Variants in ITGB4 observed in about 807,000 individuals in gnomAD.
The protein encoded by ITGB4 is integrin subunit beta 4, also known as integrin beta-4.
In ITGB4, 159 loss-of-function variants were observed where a neutral mutation model predicts 207.6. The observed-to-expected ratio is 0.77, with a 90% confidence interval of 0.67 to 0.87. The LOEUF (loss-of-function observed/expected upper bound fraction) is 0.87, where lower values mean the gene tolerates loss of function less well. ITGB4 is among the 40% of genes least tolerant of loss of function. The probability of loss-of-function intolerance (pLI) is 0.00; values close to 1 mark genes in which losing one functional copy is unlikely to be tolerated. For missense variants in ITGB4, 2,278 were observed against 2,546.8 expected (o/e 0.89, Z 2.27); for synonymous variants, 1,020 against 1,062.7 (o/e 0.96, Z 0.78).
At chr17:75,737,243 G>A in intron 16 of ITGB4, 79 bp from the exon 17 acceptor site, 1 of 1,534,916 alleles carries the variant, frequency 6.5e-7, no homozygotes, top group Non-Finnish European at 8.8e-7. Context: ...CGCAGAGTAG[G>A]GGCCCCCTCA....
rs1203377446 is a variant in ITGB4, at chr17:75,748,145, G to A, written c.3112-696G>A. 1.9e-4 allele frequency among the ~76,000 whole-genome samples: 29 copies of A among 150,498 alleles called. No individual in the cohort carries two copies. The East Asian group carries it at 1.9e-3, about 10-fold the overall frequency. ...GGAGGCCAAGGTGGGCGGATCGCTT[G>A]AGGCCGGGAGTTCAAGACCAGCCTA... On this transcript the variant is annotated intron_variant, in intron 26 of 39. Transcript: ENST00000200181.
rs778822746 is a variant in ITGB4 at position 75,757,001 on chromosome 17, G to A, written c.5112G>A (p.Pro1704=). The A allele has an allele frequency of 1.2e-5, 20 of 1,612,732 alleles. No individual in the cohort carries two copies. Among genetic ancestry groups the A allele is most frequent in the African/African-American group, 8.0e-5 (6 of 74,914 alleles). The part of the protein sequence containing the change: ...GDSPESRLTV[P]GLSENVPYKF... The stretch of plus-strand genomic sequence containing the variant: ...GCCCCGAGAGCCGGCTGACCGTGCC[G>A]GGCCTCAGCGAGAACGTGCCCTACA... The change falls in exon 38 of 40, where the codon CCG becomes CCA. Residue 1704 remains proline, a synonymous_variant. Transcript: ENST00000200181.
chr17:75,736,722 T>G (rs1177767990), intron 16 of ITGB4, 28 bp downstream of exon 16: 1 of 1,583,300 alleles, frequency 6.3e-7, no homozygotes. Context: ...GGGTTGGGGT[T>G]GCTGAGAGCC....
intron 25 of ITGB4, 137 bp from the exon 26 acceptor site, chr17:75,743,576 C>A: frequency 8.4e-7 from 1 of 1,192,628 alleles, no homozygotes; most frequent in Non-Finnish European, 1.2e-6. Context: ...CTCCTGTGCC[C>A]TTCCCAGAGG....
At chr17:75,752,689 A>C in intron 32 of ITGB4, 112 bp downstream of exon 32, 3 of 1,401,540 alleles carry the variant, frequency 2.1e-6, no homozygotes, top group Non-Finnish European at 2.0e-6. Flanking sequence ...ATGGAGGTTA[A>C]GGCAGCCTTG....
chr17:75,740,123 T>C lies in ITGB4; in HGVS notation c.2446+52T>C. The C allele has an allele frequency of 6.5e-7, 1 of 1,547,658 alleles. No individual in the cohort carries two copies. The highest frequency in any genetic ancestry group is 2.3e-5 in the East Asian group (1 of 43,416). ...TCTGGGCAGTGCCCTTCGGGCCCTC[T>C]GTTCCAGATCTGGGATCACAGCATG... On this transcript the variant is annotated intron_variant, in intron 20 of 39. Transcript: ENST00000200181. This position sits in a 1 kb window ranked among gnomAD's most constrained non-coding sequence, Gnocchi z 5.9.
rs779518701 is a variant in ITGB4, at chr17:75,743,763, G to T, written c.3013G>T (p.Asp1005Tyr). ...EQPEFSVSRGDQVARIPVIRR... is the reference protein window; with the variant it reads ...EQPEFSVSRGYQVARIPVIRR... Reference sequence around the variant, plus strand: ...GCCTGAGTTCTCGGTCAGCCGCGGGGACCAGGTGGCCCGCATCCCTGTCAT... The same window carrying T: ...GCCTGAGTTCTCGGTCAGCCGCGGGTACCAGGTGGCCCGCATCCCTGTCAT... The change falls in exon 26 of 40, where the codon GAC (aspartate) becomes TAC (tyrosine). Residue 1005 changes from aspartate (D) to tyrosine (Y), a missense_variant. By Grantham distance (160) the Asp-to-Tyr change is radical. Transcript: ENST00000200181. 6.2e-7 allele frequency: 1 copy of T among 1,613,530 alleles called. No homozygotes were observed. The highest frequency in any genetic ancestry group is 1.1e-5 in the South Asian group (1 of 91,082).
Position 75,736,346 on chromosome 17 carries a change from C to T in ITGB4, c.1820C>T (p.Ser607Leu), listed in dbSNP as rs763137689. The change falls in exon 15 of 40, where the codon TCG (serine) becomes TTG (leucine). Residue 607 changes from serine (S) to leucine (L), a missense_variant. Transcript: ENST00000200181. ...GGCCGCTGCCACTGCCACCAGCAGT[C>T]GCTCTACACGGACACCATCTGCGAG... ...ECGRCHCHQQSLYTDTICEIN... is the reference protein window; with the variant it reads ...ECGRCHCHQQLLYTDTICEIN... 1.4e-5 allele frequency: 23 copies of T among 1,612,198 alleles called. No homozygotes were observed. The highest frequency in any genetic ancestry group is 1.9e-5 in the Non-Finnish European group (22 of 1,179,332).
chr17:75,750,606 G>C lies in ITGB4; in HGVS notation c.3475-74G>C. 7.5e-7 allele frequency: 1 copy of C among 1,330,682 alleles called. No homozygotes were observed. Among genetic ancestry groups the C allele is most frequent in the Non-Finnish European group, 1.1e-6 (1 of 936,836 alleles). The allele number at this position is 1,330,682 out of a possible 1,614,324, so 82.4% of individuals were successfully genotyped here. ...CTGTGCAAAGAGGACAGTAAGGGCA[G>C]AGGTCAGAGGAGGGACAGGCAGCTT... On this transcript the variant is annotated intron_variant, in intron 28 of 39. Coordinates refer to ENST00000200181, the MANE Select transcript of ITGB4 (RefSeq NM_000213.5). This position sits in a 1 kb window ranked among gnomAD's most constrained non-coding sequence, Gnocchi z 5.5.
chr17:75,757,422 T>G lies in ITGB4; in HGVS notation c.5336T>G (p.Leu1779Arg), dbSNP rs871443. ...SATEPFLVDG[L>R]TLGAQHLEAG... ...AATGCCTCCTCCTCCACAGATGGGC[T>G]GACCCTGGGGGCCCAGCACCTGGAG... Residue 1779 changes from leucine to arginine, a missense_variant, in exon 40 of 40, where the codon CTG (leucine) becomes CGG (arginine). Coordinates refer to ENST00000200181, the MANE Select transcript of ITGB4 (RefSeq NM_000213.5). 6.2e-7 allele frequency: 1 copy of G among 1,612,940 alleles called. No individual in the cohort carries two copies. The highest frequency in any genetic ancestry group is 1.7e-5 in the Admixed American group (1 of 60,008).
At position 75,743,858 on chromosome 17, in the gene ITGB4, C is replaced by A. The variant is rs767298960; in HGVS notation, c.3108C>A (p.Asn1036Lys). The change falls in exon 26 of 40, where the codon AAC (asparagine) becomes AAA (lysine). Residue 1036 changes from asparagine to lysine, a missense_variant. Transcript: ENST00000200181. ...CACAGGATGGCACCGCGCAGGGCAACCGGGTGAGGCTGCGCCACAGGGTCG... is the reference window on the plus strand; with the variant it reads ...CACAGGATGGCACCGCGCAGGGCAAACGGGTGAGGCTGCGCCACAGGGTCG... The part of the protein sequence containing the change: ...YRTQDGTAQG[N>K]RDYIPVEGEL... 2 of 1,583,292 alleles carry A rather than the reference C, an allele frequency of 1.3e-6. No individual in the cohort carries two copies. Among genetic ancestry groups the A allele is most frequent in the Non-Finnish European group, 1.7e-6 (2 of 1,165,564 alleles).
In ITGB4 at chr17:75,742,167, A is replaced by C. The variant is rs1341335143; in HGVS notation, c.2634-174A>C. Among the ~76,000 whole-genome samples, 1 of 152,252 alleles carries C rather than the reference A, an allele frequency of 6.6e-6. No individual in the cohort carries two copies. Among genetic ancestry groups the C allele is most frequent in the African/African-American group, 2.4e-5 (1 of 41,474 alleles). The stretch of plus-strand genomic sequence containing the variant: ...GGCGCCATGGCTGGGCTGAGGCTGC[A>C]GGGTAAAGGGTATGGGGCTGGCATA... On this transcript the variant is annotated intron_variant, in intron 23 of 39. Transcript: ENST00000200181. The surrounding 1 kb of genome is among the most constrained non-coding windows in gnomAD (Gnocchi z 5.9).
intron 8 of ITGB4, 118 bp downstream of exon 8, chr17:75,730,622 C>A: frequency 8.7e-7 from 1 of 1,148,852 alleles, no homozygotes; most frequent in Non-Finnish European, 1.2e-6. Flanking sequence ...TCCTCCCTCC[C>A]TCTTTTCCTC....
intron 14 of ITGB4, 38 bp from the exon 15 acceptor site, chr17:75,736,250 G>C (rs1333974635): frequency 6.2e-7 from 1 of 1,605,100 alleles, no homozygotes; most frequent in Admixed American, 1.7e-5. Context: ...GGCAGGGATG[G>C]GGCACAGCTG....
Position 75,750,664 on chromosome 17 carries a change from C to CTG in ITGB4, c.3475-14_3475-13dup, listed in dbSNP as rs1301117870. The CTG allele has an allele frequency of 1.2e-6, 2 of 1,611,992 alleles. No individual in the cohort carries two copies. The highest frequency in any genetic ancestry group is 2.2e-5 in the South Asian group (2 of 91,006). On this transcript the variant is annotated splice_polypyrimidine_tract_variant and intron_variant, in intron 28 of 39. Coordinates refer to ENST00000200181, the MANE Select transcript of ITGB4 (RefSeq NM_000213.5). The surrounding 1 kb of genome is among the most constrained non-coding windows in gnomAD (Gnocchi z 5.5). ...TGCTGCTCCCTGCTGACCAGGACCCCTGTCCCTGGGGGTAGGTAAAGTACT... is the reference window on the plus strand; with the variant it reads ...TGCTGCTCCCTGCTGACCAGGACCCCTGTGTCCCTGGGGGTAGGTAAAGTACT...
chr17:75,741,182 T>A (rs1801422767), intron 23 of ITGB4, 177 bp downstream of exon 23: 2 of 756,012 alleles, frequency 2.6e-6, no homozygotes, highest in Non-Finnish European at 4.5e-6. Context: ...CAAATGCTAA[T>A]GTGAAGTGCT....
chr17:75,728,509 G>A, intron 6 of ITGB4, 36 bp downstream of exon 6: 1 of 1,533,080 alleles, frequency 6.5e-7, no homozygotes, highest in African/African-American at 1.4e-5. Flanking sequence ...GTGGGCAAGG[G>A]TCCAGGCCAT....
At chr17:75,746,929 CAAAAA>C (rs56351330) in intron 26 of ITGB4, among the ~76,000 whole-genome samples, 4 of 70,864 alleles carry the variant, frequency 5.6e-5, no homozygotes, top group Non-Finnish European at 5.7e-5. Context: ...ACCCCTGTCT[CAAAAA>C]AAAAAAAAAA....
In ITGB4 at chr17:75,757,814, T is replaced by G. The variant is rs1438744097; in HGVS notation, c.*259T>G. 1.5e-6 allele frequency: 1 copy of G among 659,410 alleles called. No homozygotes were observed. The highest frequency in any genetic ancestry group is 1.8e-5 in the African/African-American group (1 of 55,468). The allele number at this position is 659,410 out of a possible 1,614,324, so 40.8% of individuals were successfully genotyped here. A position where few individuals can be genotyped will look rare whatever the true frequency, so the allele number is the denominator to read the frequency against. On this transcript the variant is annotated 3_prime_UTR_variant, in exon 40 of 40. Transcript: ENST00000200181. Reference sequence around the variant, plus strand: ...TGCACTTAATAAATGGTTTTGCTACTGCTAGGCCCTGCCTTGCCCATTCTT... The same window carrying G: ...TGCACTTAATAAATGGTTTTGCTACGGCTAGGCCCTGCCTTGCCCATTCTT...
Sources: gnomAD v4.1 joint callset for allele counts (sites outside exome capture counted in the v4.1 genomes callset) on GRCh38, gnomAD v4.1.1 for gene constraint, Gnocchi (gnomAD v3.1) non-coding constraint, MANE v1.5 for transcripts, NCBI Gene and HGNC (gene_info 2026-07-23, HGNC 2026-07-21) for gene names.